The following SORL1 variants were observed in gnomAD, a reference collection of about 807,000 sequenced individuals.
SORL1 encodes sortilin-related receptor.
Under a neutral mutation model 273.7 loss-of-function variants are expected in SORL1, and 127 were observed. That is an observed-to-expected ratio of 0.46 (90% confidence interval 0.40 to 0.54). The LOEUF (loss-of-function observed/expected upper bound fraction) is 0.54. SORL1 is among the 20% of genes least tolerant of loss of function. SORL1 has a pLI of 0.00. For missense variants in SORL1, 2,494 were observed against 2,846.1 expected, an observed-to-expected ratio of 0.88 and a Z score of 2.81; for synonymous variants, 1,031 against 1,067.4, an observed-to-expected ratio of 0.97 and a Z score of 0.66.
intron 14 of SORL1, among the ~76,000 whole-genome samples, chr11:121,545,988 A>G (rs1225584722): frequency 6.6e-6 from 1 of 152,242 alleles, no homozygotes; most frequent in African/African-American, 2.4e-5. Flanking sequence ...GACTATTGAA[A>G]GGAAGGAGAG....
At position 121,598,139 on chromosome 11, in the gene SORL1, G is replaced by C. The variant is rs145254623; in HGVS notation, c.4519+2367G>C. ...TCCTAAGGAGCCCTTGAAGATTTCA[G>C]AGATGGGGTGTTTATATCTTAGATC... is the stretch of plus-strand genomic sequence containing the variant. On this transcript the variant is annotated intron_variant, in intron 32 of 47. Coordinates refer to ENST00000260197, the MANE Select transcript of SORL1 (RefSeq NM_003105.6). Among the ~76,000 whole-genome samples, 164 of 152,280 alleles carry C rather than the reference G, an allele frequency of 1.1e-3. 1 individual carries two copies. Among genetic ancestry groups the C allele is most frequent in the African/African-American group, 3.9e-3 (160 of 41,548 alleles).
chr11:121,541,118 G>T (rs572830745), intron 12 of SORL1, among the ~76,000 whole-genome samples: 83 of 152,262 alleles, frequency 5.5e-4, no homozygotes, highest in Non-Finnish European at 9.1e-4. Context: ...TGTAGGGGGA[G>T]ATTACTTAGT....
rs141905233 is a variant in SORL1 at position 121,548,023 on chromosome 11, C to T, written c.2052-1937C>T. 1.1e-4 allele frequency among the ~76,000 whole-genome samples: 16 copies of T among 152,256 alleles called. 1 individual carries two copies. The highest frequency in any genetic ancestry group is 1.5e-4 in the Non-Finnish European group (10 of 68,016). On this transcript the variant is annotated intron_variant, in intron 14 of 47. Transcript: ENST00000260197. ...GATTCTTTTATGTTCTTATATTTCT[C>T]GACATTGCCAAGTCATACAGCTTTC...
chr11:121,494,821 T>A (rs1861604214), intron 5 of SORL1, among the ~76,000 whole-genome samples: 1 of 152,108 alleles, frequency 6.6e-6, no homozygotes, highest in Non-Finnish European at 1.5e-5. Context: ...AAAGGTTCCT[T>A]CCTCTCTGCC....
In SORL1 at chr11:121,625,173, T is replaced by C. The variant is rs1565359098; in HGVS notation, c.6260T>C (p.Leu2087Pro). Residue 2087 changes from leucine to proline, a missense_variant, in exon 46 of 48, where the codon CTG (leucine) becomes CCG (proline). Coordinates refer to ENST00000260197, the MANE Select transcript of SORL1 (RefSeq NM_003105.6). ...TTDNFFKISNLKMGHNYTFTV... is the reference protein window; with the variant it reads ...TTDNFFKISNPKMGHNYTFTV... ...GACAATTTCTTTAAAATTTCCAACC[T>C]GAAGATGGGTCATAATTACACGTTC... The C allele has an allele frequency of 6.2e-7, 1 of 1,613,976 alleles. No individual in the cohort carries two copies.
rs1306414938 is a variant in SORL1 at position 121,553,992 on chromosome 11, G to A, written c.2322G>A (p.Leu774=). Residue 774 remains leucine, a synonymous_variant, in exon 17 of 48, where the codon CTG becomes CTA. Transcript: ENST00000260197. ...GGAAATCCATCTACCGCTATGACCTGGCCTCGGGAGCCACCGAGCAGTTGC... is the reference window on the plus strand; with the variant it reads ...GGAAATCCATCTACCGCTATGACCTAGCCTCGGGAGCCACCGAGCAGTTGC... ...AVRKSIYRYD[L]ASGATEQLPL... 1 of 1,614,058 alleles carries A rather than the reference G, an allele frequency of 6.2e-7. No individual in the cohort carries two copies. Among genetic ancestry groups the A allele is most frequent in the Non-Finnish European group, 8.5e-7 (1 of 1,180,020 alleles).
At chr11:121,606,760 C>A in intron 35 of SORL1, 85 bp from the exon 36 acceptor site, 13 of 669,390 alleles carry the variant, frequency 1.9e-5, no homozygotes, top group East Asian at 3.5e-5. Context: ...TGGAGTCGTT[C>A]TTGTCCTTGT....
chr11:121,464,680 C>T (rs1234788754), intron 1 of SORL1, among the ~76,000 whole-genome samples: 1 of 152,154 alleles, frequency 6.6e-6, no homozygotes, highest in Admixed American at 6.5e-5. Context: ...ATGAAGATGC[C>T]GAGGCGAGTC....
chr11:121,627,670 G>A lies in SORL1; in HGVS notation c.6480G>A (p.Thr2160=), dbSNP rs749045899. 20 of 1,613,990 alleles carry A rather than the reference G, an allele frequency of 1.2e-5. No homozygotes were observed. The highest frequency in any genetic ancestry group is 5.5e-5 in the South Asian group (5 of 91,086). Residue 2160 remains threonine, a synonymous_variant, in exon 47 of 48, where the codon ACG becomes ACA. Transcript: ENST00000260197. The surrounding 1 kb of genome is among the most constrained non-coding windows in gnomAD (Gnocchi z 4.9). ...GGGTGGGGTTTGCCATCCTGTACAC[G>A]AAGCACCGGAGGCTGCAGAGCAGCT... ...SLGVGFAILY[T]KHRRLQSSFT... is the part of the protein sequence containing the mutation.
chr11:121,489,543 A>C (rs1162301984), intron 4 of SORL1, among the ~76,000 whole-genome samples: 1 of 152,312 alleles, frequency 6.6e-6, no homozygotes, highest in African/African-American at 2.4e-5. Flanking sequence ...ATATTGTAGC[A>C]TGTGTCAATT....
chr11:121,555,390 A>T (rs577276286), intron 18 of SORL1, 72 bp downstream of exon 18: 2 of 1,577,058 alleles, frequency 1.3e-6, no homozygotes, highest in African/African-American at 2.7e-5. Context: ...CACATTTGAC[A>T]CAGAGGCAAG....
At chr11:121,591,509 T>G (rs1306516106) in intron 31 of SORL1, among the ~76,000 whole-genome samples, 2 of 152,244 alleles carry the variant, frequency 1.3e-5, no homozygotes, top group African/African-American at 2.4e-5. Flanking sequence ...GTGGAACTTT[T>G]TGTGTGTGTA....
At chr11:121,615,988 A>G (rs1863632954) in intron 41 of SORL1, among the ~76,000 whole-genome samples, 1 of 152,170 alleles carries the variant, frequency 6.6e-6, no homozygotes, top group African/African-American at 2.4e-5. Context: ...AGGTCTGGCT[A>G]ATTTAACAGC....
In SORL1 at chr11:121,496,982, A is replaced by C; in HGVS notation, c.872A>C (p.Glu291Ala). The change falls in exon 6 of 48, where the codon GAA becomes GCA. Residue 291 changes from glutamate (E) to alanine (A), a missense_variant. Physicochemically the swap from Glu to Ala is moderately radical, Grantham distance 107 (BLOSUM62 -1). Transcript: ENST00000260197. The stretch of plus-strand genomic sequence containing the variant: ...TTCTTCCAGTCCCGGGAAAACCAGG[A>C]AGTGATCCTTGAGGAAGTGAGAGAT... Reference protein sequence around the residue: ...TDFFQSRENQEVILEEVRDFQ... With the variant: ...TDFFQSRENQAVILEEVRDFQ... The C allele has an allele frequency of 6.2e-7, 1 of 1,614,176 alleles. No individual in the cohort carries two copies. The highest frequency in any genetic ancestry group is 1.1e-5 in the South Asian group (1 of 91,088).
intron 32 of SORL1, among the ~76,000 whole-genome samples, chr11:121,601,112 G>T (rs1863383968): frequency 7.2e-6 from 1 of 139,350 alleles, no homozygotes; most frequent in Admixed American, 7.8e-5. Flanking sequence ...TGATCTCATT[G>T]TTCAGTTCCC....
intron 34 of SORL1, 73 bp from the exon 35 acceptor site, chr11:121,605,329 A>G (rs1440777870): frequency 6.3e-7 from 1 of 1,576,362 alleles, no homozygotes; most frequent in Non-Finnish European, 8.7e-7. Flanking sequence ...GCACCATGCT[A>G]TTAACGGAGT....
At chr11:121,552,017 G>C (rs1457958024) in intron 16 of SORL1, among the ~76,000 whole-genome samples, 1 of 152,144 alleles carries the variant, frequency 6.6e-6, no homozygotes, top group Non-Finnish European at 1.5e-5. Flanking sequence ...GGACAAAACA[G>C]TTTGTTTAAA....
intron 29 of SORL1, 135 bp from the exon 30 acceptor site, chr11:121,589,905 A>G: frequency 2.0e-6 from 2 of 1,014,352 alleles, no homozygotes; most frequent in Non-Finnish European, 2.9e-6. Flanking sequence ...GGGTCCATGA[A>G]GCTGCCTTAT....
chr11:121,554,221 T>TA lies in SORL1; in HGVS notation c.2439+113dup. 1.1e-6 allele frequency: 1 copy of TA among 917,346 alleles called. No homozygotes were observed. The highest frequency in any genetic ancestry group is 1.6e-6 in the Non-Finnish European group (1 of 608,638). The allele number at this position is 917,346 out of a possible 1,614,324, so 56.8% of individuals were successfully genotyped here. ...TGGGCAGTTAGAAGTTTGTAAGTGT[T>TA]ACTCATCTCAGGGCTGACAGGTGAA... On this transcript the variant is annotated intron_variant, in intron 17 of 47. Coordinates refer to ENST00000260197, the MANE Select transcript of SORL1 (RefSeq NM_003105.6). The surrounding 1 kb of genome is among the most constrained non-coding windows in gnomAD (Gnocchi z 4.6).
Sources: allele counts gnomAD v4.1 joint callset (sites outside exome capture counted in the v4.1 genomes callset), GRCh38; gene constraint gnomAD v4.1.1; non-coding constraint Gnocchi (gnomAD v3.1); transcripts MANE v1.5; gene names NCBI Gene and HGNC (gene_info 2026-07-23, HGNC 2026-07-21).